The following TMOD2 variants were observed in gnomAD, a reference collection of about 807,000 sequenced individuals.
TMOD2 encodes tropomodulin 2, also known as tropomodulin-2.
TMOD2 carries 22 observed loss-of-function variants against 39.9 expected under a neutral mutation model. That is an observed-to-expected ratio of 0.55 (90% CI 0.39 to 0.79). The LOEUF (loss-of-function observed/expected upper bound fraction) is 0.79, where lower values mean the gene tolerates loss of function less well. Among genes scored for constraint, TMOD2 ranks in the 30% least tolerant of loss-of-function variants. The pLI, the probability that TMOD2 is intolerant of heterozygous loss-of-function variation, is 0.00. For synonymous variants in TMOD2, 123 were observed against 146.1 expected, an observed-to-expected ratio of 0.84 and a Z score of 1.14; for missense variants, 386 against 413.3, an observed-to-expected ratio of 0.93 and a Z score of 0.57.
chr15:51,755,831 G>A (rs1238458084), intron 1 of TMOD2, among the ~76,000 whole-genome samples: 37 of 151,858 alleles, frequency 2.4e-4, no homozygotes, highest in Admixed American at 2.4e-3. Context: ...AAATGCCAAA[G>A]AAAGAGACAA....
intron 8 of TMOD2, among the ~76,000 whole-genome samples, chr15:51,804,050 A>G (rs1350783891): frequency 6.6e-6 from 1 of 152,270 alleles, no homozygotes; most frequent in Non-Finnish European, 1.5e-5. Context: ...ACAATAAGTC[A>G]ATAATATATC....
intron 5 of TMOD2, among the ~76,000 whole-genome samples, chr15:51,777,685 C>G (rs374732759): frequency 6.6e-6 from 1 of 152,030 alleles, no homozygotes; most frequent in African/African-American, 2.4e-5. Context: ...GTCCCTGCCC[C>G]ACAACCAAAA....
rs2056165727 is a variant in TMOD2 at position 51,812,931 on chromosome 15, T to C, written c.*4477T>C. The stretch of plus-strand genomic sequence containing the variant: ...CCTGCTACTCAACCAATCCTAAAGC[T>C]AAAGTACTGAGATGCACACAAAGGA... On this transcript the variant is annotated 3_prime_UTR_variant, in exon 10 of 10. Transcript: ENST00000249700. 6.6e-6 allele frequency: 1 copy of C among 152,148 alleles called. No individual in the cohort carries two copies. Among genetic ancestry groups the C allele is most frequent in the African/African-American group, 2.4e-5 (1 of 41,418 alleles). The allele number at this position is 152,148 out of a possible 1,614,324, so 9.4% of individuals were successfully genotyped here.
At chr15:51,805,433 C>T (rs2056116172) in intron 8 of TMOD2, among the ~76,000 whole-genome samples, 1 of 152,054 alleles carries the variant, frequency 6.6e-6, no homozygotes, top group African/African-American at 2.4e-5. Context: ...TGGTTCAAAC[C>T]ACAATAAAGC....
chr15:51,808,553 A>C lies in TMOD2; in HGVS notation c.*99A>C, dbSNP rs184287442. The C allele has an allele frequency of 2.4e-4, 214 of 906,110 alleles. No homozygotes were observed. In the African/African-American group the frequency reaches 2.9e-3, roughly 12 times the overall value. 56.1% of individuals were successfully genotyped at this position (906,110 alleles called of 1,614,324 possible). A position where few individuals can be genotyped will look rare whatever the true frequency, so the allele number is the denominator to read the frequency against. ...AGGACCATTTTATCAAAGTTCGTTC[A>C]TTTCCGTTAACCACATAACTAATAA... On this transcript the variant is annotated 3_prime_UTR_variant, in exon 10 of 10. Coordinates refer to ENST00000249700, the MANE Select transcript of TMOD2 (RefSeq NM_014548.4).
intron 3 of TMOD2, among the ~76,000 whole-genome samples, chr15:51,773,419 A>C (rs539245547): frequency 1.8e-4 from 28 of 152,332 alleles, no homozygotes; most frequent in African/African-American, 6.7e-4. Flanking sequence ...GCCCAGACCC[A>C]AGGGCAGTAC....
chr15:51,803,773 G>T (rs188429124), intron 8 of TMOD2, among the ~76,000 whole-genome samples: 15 of 152,240 alleles, frequency 9.9e-5, no homozygotes, highest in African/African-American at 3.6e-4. Context: ...CAAAATACAG[G>T]AACTGTAAGC....
chr15:51,772,513 C>G (rs1415574432), intron 3 of TMOD2, among the ~76,000 whole-genome samples: 1 of 152,022 alleles, frequency 6.6e-6, no homozygotes, highest in East Asian at 1.9e-4. Flanking sequence ...GAAGTTTGAG[C>G]TGGGAGTTAG....
chr15:51,757,569 G>A (rs2055751108), intron 1 of TMOD2, among the ~76,000 whole-genome samples: 1 of 152,138 alleles, frequency 6.6e-6, no homozygotes, highest in Non-Finnish European at 1.5e-5. Context: ...TGCCCACCAG[G>A]ACTCCTGGAA....
At chr15:51,753,573 T>A (rs1489229123) in intron 1 of TMOD2, among the ~76,000 whole-genome samples, 1 of 152,132 alleles carries the variant, frequency 6.6e-6, no homozygotes, top group East Asian at 1.9e-4. Flanking sequence ...AAAGACAATT[T>A]GGAGATAGTT....
At chr15:51,780,571 C>G (rs1376286605) in intron 5 of TMOD2, among the ~76,000 whole-genome samples, 1 of 152,104 alleles carries the variant, frequency 6.6e-6, no homozygotes, top group Non-Finnish European at 1.5e-5. Context: ...CTTTCTCTCC[C>G]CATACCTTCC....
chr15:51,757,506 A>G (rs1310459932), intron 1 of TMOD2, among the ~76,000 whole-genome samples: 1 of 151,636 alleles, frequency 6.6e-6, no homozygotes, highest in Non-Finnish European at 1.5e-5. Context: ...TCATGCTTCC[A>G]TCAGCTCAAG....
intron 4 of TMOD2, among the ~76,000 whole-genome samples, chr15:51,774,953 G>A (rs899982295): frequency 7.2e-5 from 11 of 151,944 alleles, no homozygotes; most frequent in Admixed American, 2.6e-4. Flanking sequence ...ACCAGAGAGA[G>A]AATCCAAATA....
chr15:51,752,474 C>T (rs1296707165), intron 1 of TMOD2: 1 of 152,206 alleles, frequency 6.6e-6, no homozygotes, highest in South Asian at 2.1e-4. Context: ...ACTGCAGCTT[C>T]GTCTGTGCCC....
At chr15:51,779,574 G>A (rs751515979) in intron 5 of TMOD2, among the ~76,000 whole-genome samples, 2 of 151,932 alleles carry the variant, frequency 1.3e-5, no homozygotes, top group Non-Finnish European at 2.9e-5. Context: ...TAGTAGAGAC[G>A]GGATTTCATC....
rs2056153832 is a variant in TMOD2 at position 51,811,070 on chromosome 15, T to A, written c.*2616T>A. The A allele has an allele frequency of 6.6e-6, 1 of 152,202 alleles. No individual in the cohort carries two copies. Among genetic ancestry groups the A allele is most frequent in the Non-Finnish European group, 1.5e-5 (1 of 68,046 alleles). The allele number at this position is 152,202 out of a possible 1,614,324, so 9.4% of individuals were successfully genotyped here. A position where few individuals can be genotyped will look rare whatever the true frequency, so the allele number is the denominator to read the frequency against. On this transcript the variant is annotated 3_prime_UTR_variant, in exon 10 of 10. Coordinates refer to ENST00000249700, the MANE Select transcript of TMOD2 (RefSeq NM_014548.4). The stretch of plus-strand genomic sequence containing the variant: ...TTTTTTACTAATCAGTTTGTTTTCT[T>A]ATTACCTGTGTTTTTAAAGTGGCTT...
chr15:51,794,194 T>G (rs2056032076), intron 7 of TMOD2, among the ~76,000 whole-genome samples: 1 of 152,174 alleles, frequency 6.6e-6, no homozygotes, highest in Non-Finnish European at 1.5e-5. Context: ...CTAAATATCC[T>G]TCAATACACA....
chr15:51,791,221 A>G (rs1313464451), intron 7 of TMOD2, among the ~76,000 whole-genome samples: 1 of 152,238 alleles, frequency 6.6e-6, no homozygotes, highest in Non-Finnish European at 1.5e-5. Context: ...ACAAACAGAG[A>G]GCCAAATCAT....
intron 3 of TMOD2, among the ~76,000 whole-genome samples, chr15:51,772,382 G>C (rs550366739): frequency 6.6e-5 from 10 of 152,340 alleles, no homozygotes; most frequent in Middle Eastern, 3.4e-3. Flanking sequence ...GGGGTGTTTT[G>C]ATCATGGCTC....
Sources: allele counts gnomAD v4.1 joint callset (sites outside exome capture counted in the v4.1 genomes callset), GRCh38; gene constraint gnomAD v4.1.1; transcripts MANE v1.5; gene names NCBI Gene and HGNC (gene_info 2026-07-23, HGNC 2026-07-21).